SRBD1: variants seen among roughly 807,000 people sequenced by gnomAD.
SRBD1 encodes S1 RNA binding domain 1, also known as S1 RNA-binding domain-containing protein 1.
Under a neutral mutation model 115.3 loss-of-function variants are expected in SRBD1, and 88 were observed. The observed-to-expected ratio is 0.76, with a 90% CI of 0.64 to 0.91. The LOEUF (loss-of-function observed/expected upper bound fraction) is 0.91. SRBD1 is among the 40% of genes least tolerant of loss of function. The pLI is 0.00. For missense variants in SRBD1, 1,385 were observed against 1,177.4 expected, an observed-to-expected ratio of 1.18 and a Z score of -2.58; for synonymous variants, 509 against 407.7, an observed-to-expected ratio of 1.25 and a Z score of -2.99.
At chr2:45,554,214 T>C (rs76565989) in intron 10 of SRBD1, among the ~76,000 whole-genome samples, 5,757 of 152,274 alleles carry the variant, frequency 0.038, 370 homozygotes, top group African/African-American at 0.13. Flanking sequence ...TTTCTCTCTC[T>C]TTCTCAACCA....
At chr2:45,415,396 A>G (rs565156406) in intron 18 of SRBD1, among the ~76,000 whole-genome samples, 16 of 99,164 alleles carry the variant, frequency 1.6e-4, no homozygotes, top group Non-Finnish European at 2.2e-4. Flanking sequence ...TGTATATAGT[A>G]TGTATATACA....
chr2:45,530,497 T>TAA (rs1671577311), intron 14 of SRBD1, among the ~76,000 whole-genome samples: 1 of 152,044 alleles, frequency 6.6e-6, no homozygotes, highest in African/African-American at 2.4e-5. Flanking sequence ...TCAGGAAAGT[T>TAA]AAAGTGCTTA....
At chr2:45,507,519 A>G (rs758983779) in intron 14 of SRBD1, among the ~76,000 whole-genome samples, 2 of 151,926 alleles carry the variant, frequency 1.3e-5, no homozygotes, top group Non-Finnish European at 1.5e-5. Flanking sequence ...CCGGAGTTCA[A>G]GACCAGCCTG....
At chr2:45,396,917 A>G (rs1276112039) in intron 19 of SRBD1, among the ~76,000 whole-genome samples, 1 of 152,174 alleles carries the variant, frequency 6.6e-6, no homozygotes, top group Non-Finnish European at 1.5e-5. Flanking sequence ...TAATATTAGT[A>G]CGTGCTTTGT....
intron 18 of SRBD1, among the ~76,000 whole-genome samples, chr2:45,415,030 A>C (rs1319359600): frequency 1.4e-5 from 1 of 71,844 alleles, no homozygotes; most frequent in Non-Finnish European, 2.4e-5. Flanking sequence ...ACACACATAT[A>C]GTGTGTATAT....
At chr2:45,418,595 G>A in intron 17 of SRBD1, 54 bp from the exon 18 acceptor site, 1 of 1,335,872 alleles carries the variant, frequency 7.5e-7, no homozygotes, top group Non-Finnish European at 1.0e-6. Context: ...AAAAGACAAT[G>A]ATATAAAACA....
chr2:45,427,557 T>C (rs982932824), intron 16 of SRBD1, among the ~76,000 whole-genome samples: 12 of 152,158 alleles, frequency 7.9e-5, no homozygotes, highest in African/African-American at 2.2e-4. Context: ...AAAGGGATCA[T>C]TGCAACAAGA....
At chr2:45,393,223 A>G (rs1022661403) in intron 19 of SRBD1, 94 bp from the exon 20 acceptor site, 3 of 1,253,872 alleles carry the variant, frequency 2.4e-6, no homozygotes, top group Non-Finnish European at 3.2e-6. Flanking sequence ...TTCATCTTAG[A>G]CCCATAGGTC....
In SRBD1 at chr2:45,548,787, G is replaced by T. The variant is rs72882435; in HGVS notation, c.1676-1175C>A. Among the ~76,000 whole-genome samples, 1,487 of 149,206 alleles carry T rather than the reference G, an allele frequency of 1.0e-2. 30 individuals carry two copies. The highest frequency in any genetic ancestry group is 0.035 in the African/African-American group (1,410 of 40,728). ...AATGAACAGCATAAAAAGACAACTA[G>T]GATAACAAAAACAAAAAGTCACGAC... On this transcript the variant is annotated intron_variant, in intron 12 of 20. Coordinates refer to ENST00000263736, the MANE Select transcript of SRBD1 (RefSeq NM_018079.5).
At chr2:45,551,015 CTTTT>C (rs1305818704) in intron 12 of SRBD1, 106 bp downstream of exon 12, 5 of 1,353,964 alleles carry the variant, frequency 3.7e-6, no homozygotes. Flanking sequence ...GAGAAAACCA[CTTTT>C]TAAGCCTTTA....
chr2:45,573,494 C>T, intron 8 of SRBD1, 152 bp from the exon 9 acceptor site: 1 of 806,378 alleles, frequency 1.2e-6, no homozygotes, highest in Non-Finnish European at 1.9e-6. Context: ...ATTACTACCC[C>T]ATCAAAAGGA....
At chr2:45,592,086 A>T (rs1248505607) in intron 4 of SRBD1, among the ~76,000 whole-genome samples, 3 of 152,148 alleles carry the variant, frequency 2.0e-5, no homozygotes, top group Non-Finnish European at 4.4e-5. Context: ...TGGGTTTATC[A>T]GGGGTTTCCA....
At chr2:45,487,084 G>C (rs542208001) in intron 15 of SRBD1, among the ~76,000 whole-genome samples, 1 of 152,242 alleles carries the variant, frequency 6.6e-6, no homozygotes, top group East Asian at 1.9e-4. Context: ...ATTATGTCAT[G>C]AAACAACTAA....
Position 45,602,182 on chromosome 2 carries a change from G to T in SRBD1, c.81-99C>A, listed in dbSNP as rs1674115577. Reference sequence around the variant, plus strand: ...TTCTTGAAAAAATGATAAAGTAGGAGGTGTTTAATATAAAATGGAGTGATT... The same window carrying T: ...TTCTTGAAAAAATGATAAAGTAGGATGTGTTTAATATAAAATGGAGTGATT... On this transcript the variant is annotated intron_variant, in intron 2 of 20. Transcript: ENST00000263736. The T allele has an allele frequency of 3.7e-6, 5 of 1,362,494 alleles. No homozygotes were observed. The East Asian group carries it at 9.3e-5, about 25-fold the overall frequency. 84.4% of individuals were successfully genotyped at this position (1,362,494 alleles called of 1,614,324 possible). A position where few individuals can be genotyped will look rare whatever the true frequency, so the allele number is the denominator to read the frequency against.
chr2:45,562,724 C>G lies in SRBD1; in HGVS notation c.1338G>C (p.Lys446Asn), dbSNP rs1263139589. Residue 446 changes from lysine (K) to asparagine (N), a missense_variant, in exon 10 of 21, where the codon AAG (lysine) becomes AAC (asparagine). Coordinates refer to ENST00000263736, the MANE Select transcript of SRBD1 (RefSeq NM_018079.5). ...AAATATTGACCTTAACCGTCAGTAC[C>G]TTCAAATTTTCTCCACGGTTAATTG... Reference protein sequence around the residue: ...ILAINRGENLKVLTVKVNISD... With the variant: ...ILAINRGENLNVLTVKVNISD... 1 of 1,609,910 alleles carries G rather than the reference C, an allele frequency of 6.2e-7. No homozygotes were observed. The highest frequency in any genetic ancestry group is 1.3e-5 in the African/African-American group (1 of 74,700).
In SRBD1 at chr2:45,574,177, G is replaced by T. The variant is rs539036178; in HGVS notation, c.1169+450C>A. Among the ~76,000 whole-genome samples, 13 of 152,204 alleles carry T rather than the reference G, an allele frequency of 8.5e-5. No individual in the cohort carries two copies. The South Asian group carries it at 2.3e-3, about 27-fold the overall frequency. ...CTCCTCAACAGCTAAAAATCATTTG[G>T]AGGTCAGTACTTTTATTCATATCTG... On this transcript the variant is annotated intron_variant, in intron 8 of 20. Coordinates refer to ENST00000263736, the MANE Select transcript of SRBD1 (RefSeq NM_018079.5).
At chr2:45,547,443 C>T in intron 13 of SRBD1, 79 bp downstream of exon 13, 2 of 1,255,244 alleles carry the variant, frequency 1.6e-6, no homozygotes, top group African/African-American at 1.5e-5. Context: ...CTTAATCCCT[C>T]CCTCCAAATT....
At chr2:45,578,550 G>A (rs898866233) in intron 7 of SRBD1, among the ~76,000 whole-genome samples, 1 of 152,062 alleles carries the variant, frequency 6.6e-6, no homozygotes, top group Non-Finnish European at 1.5e-5. Context: ...CATTTGCTGG[G>A]TTATGTAAAA....
intron 14 of SRBD1, among the ~76,000 whole-genome samples, chr2:45,514,067 C>T (rs1040581782): frequency 2.6e-5 from 4 of 152,098 alleles, no homozygotes; most frequent in East Asian, 3.9e-4. Context: ...CTTACAACCA[C>T]GGGGTTAAAG....
Sources: gnomAD v4.1 joint callset for allele counts (sites outside exome capture counted in the v4.1 genomes callset) on GRCh38, gnomAD v4.1.1 for gene constraint, MANE v1.5 for transcripts, NCBI Gene and HGNC (gene_info 2026-07-23, HGNC 2026-07-21) for gene names.